KIF16B: variants seen among roughly 807,000 people sequenced by gnomAD.
KIF16B encodes kinesin family member 16B.
In KIF16B, 98 loss-of-function variants were observed where a neutral mutation model predicts 156.3. The observed-to-expected ratio is 0.63, with a 90% CI of 0.53 to 0.74. The LOEUF (loss-of-function observed/expected upper bound fraction) is 0.74, where lower values mean the gene tolerates loss of function less well. Among genes scored for constraint, KIF16B ranks in the 30% least tolerant of loss-of-function variants. The pLI is 0.00. For synonymous variants in KIF16B, 564 were observed against 583.7 expected, an observed-to-expected ratio of 0.97 and a Z score of 0.49; for missense variants, 1,421 against 1,606.5, an observed-to-expected ratio of 0.88 and a Z score of 1.97.
At chr20:16,347,054 A>G (rs2064247045) in intron 23 of KIF16B, among the ~76,000 whole-genome samples, 1 of 152,196 alleles carries the variant, frequency 6.6e-6, no homozygotes, top group East Asian at 1.9e-4. Flanking sequence ...CAATTCTTTC[A>G]GGTCCCGATT....
intron 25 of KIF16B, among the ~76,000 whole-genome samples, chr20:16,300,210 G>A (rs994337111): frequency 2.0e-5 from 3 of 152,124 alleles, no homozygotes; most frequent in Non-Finnish European, 4.4e-5. Context: ...ATAGACAGAC[G>A]TTGAACTTGA....
chr20:16,485,325 GT>G (rs1180389535), intron 12 of KIF16B, among the ~76,000 whole-genome samples: 1 of 152,040 alleles, frequency 6.6e-6, no homozygotes, highest in Non-Finnish European at 1.5e-5. Flanking sequence ...AAGCCACTAG[GT>G]TTTAAGGCAG....
At chr20:16,412,232 A>G (rs1427698922) in intron 15 of KIF16B, among the ~76,000 whole-genome samples, 1 of 151,922 alleles carries the variant, frequency 6.6e-6, no homozygotes, top group African/African-American at 2.4e-5. Flanking sequence ...AGACTAGAAA[A>G]CACCATTGGG....
chr20:16,525,202 G>C (rs1312584052), intron 3 of KIF16B, among the ~76,000 whole-genome samples: 3 of 151,946 alleles, frequency 2.0e-5, no homozygotes, highest in Non-Finnish European at 4.4e-5. Flanking sequence ...AAAGAAACAA[G>C]CACTTTTTCA....
intron 1 of KIF16B, among the ~76,000 whole-genome samples, chr20:16,538,253 A>C (rs146374737): frequency 7.4e-4 from 112 of 152,312 alleles, no homozygotes; most frequent in African/African-American, 2.7e-3. Flanking sequence ...TTTGTCTTGT[A>C]ATTCTTCAGC....
intron 10 of KIF16B, among the ~76,000 whole-genome samples, chr20:16,498,024 G>C (rs191994743): frequency 4.2e-4 from 64 of 152,256 alleles, no homozygotes; most frequent in Admixed American, 3.1e-3. Flanking sequence ...ACATTCAAAA[G>C]GGACCATGCC....
Position 16,379,961 on chromosome 20 carries a change from C to G in KIF16B, c.2041G>C (p.Glu681Gln). The change falls in exon 19 of 26, where the codon GAG becomes CAG. Residue 681 changes from glutamate to glutamine, a missense_variant. By Grantham distance (29) the Glu-to-Gln change is conservative. Coordinates refer to ENST00000354981, the MANE Select transcript of KIF16B (RefSeq NM_024704.5). The stretch of plus-strand genomic sequence containing the variant: ...TCCTGCTGTTCCCTCAGCCTCTCCT[C>G]TTCAAATTTTTCCTTCTCCGCAAGT... ...DLLAEKEKFE[E>Q]ERLREQQEIE... 6.2e-7 allele frequency: 1 copy of G among 1,612,714 alleles called. No individual in the cohort carries two copies. The highest frequency in any genetic ancestry group is 1.1e-5 in the South Asian group (1 of 90,806).
chr20:16,447,636 T>A (rs985946554), intron 12 of KIF16B, among the ~76,000 whole-genome samples: 11 of 152,038 alleles, frequency 7.2e-5, no homozygotes, highest in Middle Eastern at 6.8e-3. Flanking sequence ...TGAAAAAAAA[T>A]GTCTACCCCA....
chr20:16,314,701 A>G (rs2063670801), intron 24 of KIF16B, among the ~76,000 whole-genome samples: 1 of 152,234 alleles, frequency 6.6e-6, no homozygotes, highest in African/African-American at 2.4e-5. Flanking sequence ...ACTGGATTTT[A>G]GCTATATTAA....
chr20:16,415,269 A>C (rs2066059111), intron 15 of KIF16B, among the ~76,000 whole-genome samples: 1 of 152,172 alleles, frequency 6.6e-6, no homozygotes, highest in African/African-American at 2.4e-5. Flanking sequence ...CTTGCCCAGT[A>C]GTCCACATTC....
At chr20:16,334,648 A>T (rs1359291733) in intron 24 of KIF16B, among the ~76,000 whole-genome samples, 1 of 152,174 alleles carries the variant, frequency 6.6e-6, no homozygotes, top group Non-Finnish European at 1.5e-5. Context: ...TTGAGGGCAG[A>T]TTCCTCACAA....
rs77871806 is a variant in KIF16B, at chr20:16,369,444, T to C, written c.3498+1142A>G. ...AAGAATCGATTATCTGATTCATACATAGAACATCAATTTTCCATATTATAT... is the reference window on the plus strand; with the variant it reads ...AAGAATCGATTATCTGATTCATACACAGAACATCAATTTTCCATATTATAT... On this transcript the variant is annotated intron_variant, in intron 22 of 25. Transcript: ENST00000354981. 9.7e-3 allele frequency among the ~76,000 whole-genome samples: 1,348 copies of C among 139,562 alleles called. 25 individuals carry two copies. The highest frequency in any genetic ancestry group is 0.035 in the African/African-American group (1,250 of 35,668). 91.6% of individuals were successfully genotyped at this position (139,562 alleles called of 152,430 possible). A position where few individuals can be genotyped will look rare whatever the true frequency, so the allele number is the denominator to read the frequency against.
At chr20:16,513,573 T>A (rs2069030792) in intron 4 of KIF16B, among the ~76,000 whole-genome samples, 1 of 148,788 alleles carries the variant, frequency 6.7e-6, no homozygotes, top group South Asian at 2.1e-4. Context: ...GGCAGGAGAA[T>A]CGCTTGAACC....
intron 4 of KIF16B, among the ~76,000 whole-genome samples, chr20:16,514,882 T>C (rs2069088450): frequency 1.7e-5 from 1 of 58,082 alleles, no homozygotes; most frequent in Non-Finnish European, 2.8e-5. Context: ...TGAGATTCCA[T>C]CTCAAAAAAA....
At position 16,366,857 on chromosome 20, in the gene KIF16B, C is replaced by T. The variant is rs184610707; in HGVS notation, c.3498+3729G>A. 7.9e-5 allele frequency: 88 copies of T among 1,120,320 alleles called. No individual in the cohort carries two copies. In the African/African-American group the frequency reaches 1.3e-3, roughly 16 times the overall value. 69.4% of individuals were successfully genotyped at this position (1,120,320 alleles called of 1,614,324 possible). On this transcript the variant is annotated intron_variant, in intron 22 of 25. Coordinates refer to ENST00000354981, the MANE Select transcript of KIF16B (RefSeq NM_024704.5). ...ACACGAAAACAAACAATCAGAAATG[C>T]TTTAATCACCTCACAAATAATGAAG... is the stretch of plus-strand genomic sequence containing the variant.
intron 25 of KIF16B, among the ~76,000 whole-genome samples, chr20:16,274,757 A>G (rs1255316820): frequency 6.6e-6 from 1 of 152,202 alleles, no homozygotes; most frequent in Non-Finnish European, 1.5e-5. Flanking sequence ...CAGGCAGTGC[A>G]CCTGGTGGAT....
chr20:16,328,423 T>C (rs899690135), intron 24 of KIF16B, among the ~76,000 whole-genome samples: 13 of 152,344 alleles, frequency 8.5e-5, no homozygotes, highest in Non-Finnish European at 1.8e-4. Context: ...ACTCTCATGA[T>C]GCACAGGCAT....
Position 16,312,429 on chromosome 20 carries a change from CA to C in KIF16B, c.3712-12del. 1 of 1,594,858 alleles carries C rather than the reference CA, an allele frequency of 6.3e-7. No individual in the cohort carries two copies. Among genetic ancestry groups the C allele is most frequent in the South Asian group, 1.1e-5 (1 of 90,590 alleles). ...TTCAAGGGCAGCAAGCTGAAATAGA[CA>C]TTTTAAAAGACATGCATTAATAGCA... is the stretch of plus-strand genomic sequence containing the variant. On this transcript the variant is annotated splice_polypyrimidine_tract_variant and intron_variant, in intron 24 of 25. Transcript: ENST00000354981.
At chr20:16,566,218 C>T (rs1323376874) in intron 1 of KIF16B, among the ~76,000 whole-genome samples, 1 of 152,206 alleles carries the variant, frequency 6.6e-6, no homozygotes, top group Non-Finnish European at 1.5e-5. Context: ...GCCCAGAATC[C>T]AATCGCCATG....
Sources: gnomAD v4.1 joint callset for allele counts (sites outside exome capture counted in the v4.1 genomes callset) on GRCh38, gnomAD v4.1.1 for gene constraint, MANE v1.5 for transcripts, NCBI Gene and HGNC (gene_info 2026-07-23, HGNC 2026-07-21) for gene names.